Variants in NIN observed in about 807,000 individuals in gnomAD.
The protein encoded by NIN is glycogen synthase kinase 3 beta-interacting protein.
A neutral mutation model predicts 257.6 loss-of-function variants in NIN; 137 were observed. The observed-to-expected ratio is 0.53, with a 90% CI of 0.46 to 0.61. The LOEUF (loss-of-function observed/expected upper bound fraction) is 0.61, where lower values mean the gene tolerates loss of function less well. Among genes scored for constraint, NIN ranks in the 20% least tolerant of loss-of-function variants. The probability of loss-of-function intolerance (pLI) is 0.00; values close to 1 mark genes in which losing one functional copy is unlikely to be tolerated. For missense variants in NIN, 2,439 were observed against 2,501.2 expected, an observed-to-expected ratio of 0.98 and a Z score of 0.53; for synonymous variants, 918 against 919.8, an observed-to-expected ratio of 1.00 and a Z score of 0.04.
At chr14:50,801,580 C>T (rs1322744079) in intron 4 of NIN, among the ~76,000 whole-genome samples, 1 of 152,192 alleles carries the variant, frequency 6.6e-6, no homozygotes, top group Non-Finnish European at 1.5e-5. Context: ...AGTGCCTAAC[C>T]CAAGGCCTCT....
chr14:50,738,356 G>A, intron 26 of NIN, 70 bp from the exon 27 acceptor site: 1 of 1,417,096 alleles, frequency 7.1e-7, no homozygotes, highest in Non-Finnish European at 9.8e-7. Context: ...AACAAACATA[G>A]GGAAAGTTTT....
chr14:50,722,548 T>C lies in NIN; in HGVS notation c.*915A>G. ...CCTACAGTAGTTCAGGAAGACAGTT[T>C]ACAGTATTGTTCCCTGAGTTCTTGA... is the stretch of plus-strand genomic sequence containing the variant. On this transcript the variant is annotated 3_prime_UTR_variant, in exon 31 of 31. Transcript: ENST00000530997. The C allele has an allele frequency of 4.8e-6, 1 of 209,950 alleles. No individual in the cohort carries two copies. Among genetic ancestry groups the C allele is most frequent in the East Asian group, 7.2e-5 (1 of 13,864 alleles). The allele number at this position is 209,950 out of a possible 1,614,324, so 13.0% of individuals were successfully genotyped here. A position where few individuals can be genotyped will look rare whatever the true frequency, so the allele number is the denominator to read the frequency against.
At position 50,756,777 on chromosome 14, in the gene NIN, G is replaced by C; in HGVS notation, c.4253C>G (p.Thr1418Arg). 1 of 1,551,556 alleles carries C rather than the reference G, an allele frequency of 6.4e-7. No individual in the cohort carries two copies. Among genetic ancestry groups the C allele is most frequent in the South Asian group, 1.2e-5 (1 of 84,066 alleles). The change falls in exon 18 of 31, where the codon ACA becomes AGA. Residue 1418 changes from threonine (T) to arginine (R), a missense_variant. Coordinates refer to ENST00000530997, the MANE Select transcript of NIN (RefSeq NM_020921.4). Reference protein sequence around the residue: ...EIAWLHGTIQTHQERPRVQNQ... With the variant: ...EIAWLHGTIQRHQERPRVQNQ... ...CTGTACTCTTGGCCTTTCTTGATGT[G>C]TCTGAATTGTTCCATGTAACCAGGC...
intron 2 of NIN, among the ~76,000 whole-genome samples, chr14:50,830,148 C>T (rs1292130038): frequency 1.3e-5 from 2 of 152,218 alleles, no homozygotes; most frequent in Non-Finnish European, 2.9e-5. Flanking sequence ...CAAGGCTGTA[C>T]GGGCGGCACA....
chr14:50,817,336 A>T (rs1020976245), intron 3 of NIN, among the ~76,000 whole-genome samples: 1 of 152,218 alleles, frequency 6.6e-6, no homozygotes, highest in South Asian at 2.1e-4. Context: ...TTTCATTTAC[A>T]CTTCAAATGA....
chr14:50,810,199 A>G (rs1220106867), intron 3 of NIN, among the ~76,000 whole-genome samples: 2 of 150,240 alleles, frequency 1.3e-5, no homozygotes, highest in African/African-American at 4.9e-5. Context: ...CCACTGCACT[A>G]CAGCCTGGGC....
At chr14:50,825,391 T>G (rs758413543) in intron 2 of NIN, among the ~76,000 whole-genome samples, 1 of 152,206 alleles carries the variant, frequency 6.6e-6, no homozygotes, top group Admixed American at 6.6e-5. Context: ...AAGCAGGTTA[T>G]TGATAAATTT....
At chr14:50,801,218 G>C (rs1039229147) in intron 4 of NIN, among the ~76,000 whole-genome samples, 1 of 150,996 alleles carries the variant, frequency 6.6e-6, no homozygotes, top group East Asian at 1.9e-4. Flanking sequence ...AGCCTCCCGA[G>C]TAGCTGGGAT....
chr14:50,805,033 A>C (rs2044260056), intron 4 of NIN, among the ~76,000 whole-genome samples: 1 of 152,198 alleles, frequency 6.6e-6, no homozygotes, highest in Non-Finnish European at 1.5e-5. Flanking sequence ...ATTTTCTGGC[A>C]GGTGACAGTG....
chr14:50,757,565 C>G lies in NIN; in HGVS notation c.3465G>C (p.Leu1155=). Residue 1155 remains leucine (L), a synonymous_variant, in exon 18 of 31, where the codon CTG becomes CTC. Coordinates refer to ENST00000530997, the MANE Select transcript of NIN (RefSeq NM_020921.4). ...SDLEDDEVRD[L]GSTGTSSVQR... is the part of the protein sequence containing the mutation. Reference sequence around the variant, plus strand: ...GAACAGAGCTCGTCCCTGTACTTCCCAGGTCCCGGACCTCATCATCTTCCA... The same window carrying G: ...GAACAGAGCTCGTCCCTGTACTTCCGAGGTCCCGGACCTCATCATCTTCCA... 6.2e-7 allele frequency: 1 copy of G among 1,614,132 alleles called. No individual in the cohort carries two copies. Among genetic ancestry groups the G allele is most frequent in the Non-Finnish European group, 8.5e-7 (1 of 1,180,024 alleles).
In NIN at chr14:50,743,461, A is replaced by C; in HGVS notation, c.5256T>G (p.His1752Gln). 2 of 1,613,844 alleles carry C rather than the reference A, an allele frequency of 1.2e-6. No individual in the cohort carries two copies. Among genetic ancestry groups the C allele is most frequent in the Non-Finnish European group, 1.7e-6 (2 of 1,179,750 alleles). The change falls in exon 24 of 31, where the codon CAT becomes CAG. Residue 1752 changes from histidine to glutamine, a missense_variant. His to Gln is a conservative substitution (Grantham distance 24, BLOSUM62 0). This residue lies in a region of NIN where 2,043 missense variants were observed against 2,050.2 expected (regional missense o/e 1.00). Transcript: ENST00000530997. ...GCTGTGACTTTAAGCTCGCACTCTGATGTTCCCAGGATTTCTGTTCCTGCT... is the reference window on the plus strand; with the variant it reads ...GCTGTGACTTTAAGCTCGCACTCTGCTGTTCCCAGGATTTCTGTTCCTGCT... ...TMKQEQKSWE[H>Q]QSASLKSQLV...
chr14:50,810,990 C>T (rs1044799910), intron 3 of NIN, among the ~76,000 whole-genome samples: 3 of 151,986 alleles, frequency 2.0e-5, no homozygotes, highest in Non-Finnish European at 4.4e-5. Flanking sequence ...ACTACATAAA[C>T]TATAAAAAAA....
In NIN at chr14:50,758,075, G is replaced by A; in HGVS notation, c.2955C>T (p.Ser985=). The A allele has an allele frequency of 1.2e-6, 2 of 1,614,116 alleles. No individual in the cohort carries two copies. Among genetic ancestry groups the A allele is most frequent in the Non-Finnish European group, 1.7e-6 (2 of 1,180,024 alleles). ...EHDQERQEMM[S]KLLAMENIHK... ...GAATGTTCTCCATGGCTAGAAGCTTGGACATCATTTCCTGCCTTTCCTGGT... is the reference window on the plus strand; with the variant it reads ...GAATGTTCTCCATGGCTAGAAGCTTAGACATCATTTCCTGCCTTTCCTGGT... The change falls in exon 18 of 31, where the codon TCC becomes TCT. Residue 985 remains serine, a synonymous_variant. Transcript: ENST00000530997.
chr14:50,811,187 C>A (rs1174015899), intron 3 of NIN, among the ~76,000 whole-genome samples: 1 of 151,030 alleles, frequency 6.6e-6, no homozygotes, highest in Non-Finnish European at 1.5e-5. Context: ...TGGCTCACTG[C>A]AACCTCCACC....
rs749119072 is a variant in NIN, at chr14:50,735,623, TA to T, written c.5776-7del. The T allele has an allele frequency of 1.0e-5, 16 of 1,600,434 alleles. No homozygotes were observed. The highest frequency in any genetic ancestry group is 2.2e-5 in the East Asian group (1 of 44,576). On this transcript the variant is annotated splice_region_variant and splice_polypyrimidine_tract_variant and intron_variant, in intron 27 of 30. Coordinates refer to ENST00000530997, the MANE Select transcript of NIN (RefSeq NM_020921.4). ...AGGGAATTCATCTGACTGACCTGTT[TA>T]AAAAAAACAAAATATTCCCTTGAAA...
Position 50,721,972 on chromosome 14 carries a change from T to G in NIN, c.*1491A>C, listed in dbSNP as rs2140297050. 4.4e-6 allele frequency: 1 copy of G among 227,260 alleles called. No individual in the cohort carries two copies. The highest frequency in any genetic ancestry group is 1.8e-4 in the South Asian group (1 of 5,464). 14.1% of individuals were successfully genotyped at this position (227,260 alleles called of 1,614,324 possible). A position where few individuals can be genotyped will look rare whatever the true frequency, so the allele number is the denominator to read the frequency against. On this transcript the variant is annotated 3_prime_UTR_variant, in exon 31 of 31. Coordinates refer to ENST00000530997, the MANE Select transcript of NIN (RefSeq NM_020921.4). Reference sequence around the variant, plus strand: ...TCTTGTGTTCCTGCCCATAAAGCAGTGCTTGATTTTGCTGTTCACCTTTTG... The same window carrying G: ...TCTTGTGTTCCTGCCCATAAAGCAGGGCTTGATTTTGCTGTTCACCTTTTG...
chr14:50,818,135 A>G (rs921260855), intron 3 of NIN, among the ~76,000 whole-genome samples: 2 of 151,752 alleles, frequency 1.3e-5, no homozygotes, highest in Admixed American at 1.3e-4. Context: ...CATCCTGGCT[A>G]ACATGGTGAA....
At chr14:50,754,481 G>A (rs1036470915) in intron 20 of NIN, 82 bp downstream of exon 20, 35 of 1,087,788 alleles carry the variant, frequency 3.2e-5, no homozygotes, top group Non-Finnish European at 3.4e-5. Context: ...ATTCATTACC[G>A]TGTGCTGTAA....
At chr14:50,730,949 C>A (rs761150472) in intron 28 of NIN, 4 of 1,347,756 alleles carry the variant, frequency 3.0e-6, no homozygotes, top group Admixed American at 1.9e-5. Flanking sequence ...AGGCAGAGAA[C>A]TGCACCCTTC....
Sources: allele counts gnomAD v4.1 joint callset (sites outside exome capture counted in the v4.1 genomes callset), GRCh38; gene constraint gnomAD v4.1.1; regional missense constraint gnomAD v4.1.1; transcripts MANE v1.5; gene names NCBI Gene and HGNC (gene_info 2026-07-23, HGNC 2026-07-21).